HMCN1: variants seen among roughly 807,000 people sequenced by gnomAD.
The protein encoded by HMCN1 is hemicentin 1, also known as hemicentin-1.
Under a neutral mutation model 625.9 loss-of-function variants are expected in HMCN1, and 321 were observed. That is an observed-to-expected ratio of 0.51 (90% CI 0.47 to 0.56). The LOEUF is 0.56. Ranked by LOEUF, HMCN1 falls within the 20% of genes least tolerant of loss-of-function variation. The pLI, the probability that HMCN1 is intolerant of heterozygous loss-of-function variation, is 0.00. For synonymous variants in HMCN1, 2,425 were observed against 2,417.6 expected, an observed-to-expected ratio of 1.00 and a Z score of -0.09; for missense variants, 6,588 against 6,887.3, an observed-to-expected ratio of 0.96 and a Z score of 1.54.
At chr1:186,113,414 A>G (rs1660980704) in intron 72 of HMCN1, among the ~76,000 whole-genome samples, 1 of 152,254 alleles carries the variant, frequency 6.6e-6, no homozygotes, top group Admixed American at 6.5e-5. Flanking sequence ...AAAACAATCT[A>G]TTGGATATTT....
At chr1:185,859,616 G>A (rs1662736789) in intron 2 of HMCN1, among the ~76,000 whole-genome samples, 4 of 152,000 alleles carry the variant, frequency 2.6e-5, no homozygotes, top group Admixed American at 2.6e-4. Flanking sequence ...AGTGGCTACT[G>A]TGTTAGTGCA....
Position 186,087,551 on chromosome 1 carries a change from T to G in HMCN1, c.9269T>G (p.Val3090Gly). The change falls in exon 60 of 107, where the codon GTC (valine) becomes GGC (glycine). Residue 3090 changes from valine (V) to glycine (G), a missense_variant. By Grantham distance (109) the Val-to-Gly change is moderately radical (BLOSUM62 -3). Transcript: ENST00000271588. The part of the protein sequence containing the change: ...ECESNAVPPP[V>G]ITWYKNGRMI... Reference sequence around the variant, plus strand: ...GAGTCGAACGCTGTGCCACCTCCAGTCATCACTTGGTATAAGAATGGGCGG... The same window carrying G: ...GAGTCGAACGCTGTGCCACCTCCAGGCATCACTTGGTATAAGAATGGGCGG... 1.2e-6 allele frequency: 2 copies of G among 1,613,262 alleles called. No individual in the cohort carries two copies. The highest frequency in any genetic ancestry group is 1.7e-6 in the Non-Finnish European group (2 of 1,179,462).
Position 186,018,176 on chromosome 1 carries a change from T to A in HMCN1, c.5301-7T>A. The stretch of plus-strand genomic sequence containing the variant: ...TTATCCAGACTTCCTTTTGCCTTTT[T>A]CTATAGGTGGCTGAAGGATGGCCAG... On this transcript the variant is annotated splice_polypyrimidine_tract_variant and splice_region_variant and intron_variant, in intron 33 of 106. Transcript: ENST00000271588. 6.2e-7 allele frequency: 1 copy of A among 1,610,474 alleles called. No individual in the cohort carries two copies.
chr1:185,817,432 T>A (rs980129942), intron 1 of HMCN1, among the ~76,000 whole-genome samples: 2 of 151,954 alleles, frequency 1.3e-5, no homozygotes, highest in African/African-American at 4.8e-5. Context: ...GCAGAAAGAT[T>A]GGGCCCAGGG....
In HMCN1 at chr1:186,090,674, A is replaced by G. The variant is rs2102410189; in HGVS notation, c.9728-84A>G. ...TAATCTACAAAGAATATGAACTAGA[A>G]ATGTCATATTGTTTTATGACTCTGT... On this transcript the variant is annotated intron_variant, in intron 63 of 106. Coordinates refer to ENST00000271588, the MANE Select transcript of HMCN1 (RefSeq NM_031935.3). 3.4e-6 allele frequency: 5 copies of G among 1,456,508 alleles called. No homozygotes were observed. In the East Asian group the frequency reaches 1.2e-4, roughly 34 times the overall value. 90.2% of individuals were successfully genotyped at this position (1,456,508 alleles called of 1,614,324 possible). A position where few individuals can be genotyped will look rare whatever the true frequency, so the allele number is the denominator to read the frequency against.
chr1:185,777,859 T>C (rs1656731433), intron 1 of HMCN1, among the ~76,000 whole-genome samples: 1 of 152,240 alleles, frequency 6.6e-6, no homozygotes, highest in African/African-American at 2.4e-5. Context: ...GAGGCCTATT[T>C]GCCATGCTCT....
At chr1:186,111,286 C>T (rs116206256) in intron 71 of HMCN1, among the ~76,000 whole-genome samples, 2,342 of 152,084 alleles carry the variant, frequency 0.015, 65 homozygotes, top group African/African-American at 0.055. Context: ...CGGCCAAAAC[C>T]AGAGAAAATT....
intron 70 of HMCN1, among the ~76,000 whole-genome samples, chr1:186,108,161 G>A (rs1361884286): frequency 2.6e-5 from 4 of 151,170 alleles, no homozygotes; most frequent in South Asian, 2.1e-4. Context: ...TGTATAACCC[G>A]GACAACGGCT....
At chr1:185,837,897 C>T (rs929641546) in intron 1 of HMCN1, among the ~76,000 whole-genome samples, 2 of 152,118 alleles carry the variant, frequency 1.3e-5, no homozygotes, top group African/African-American at 4.8e-5. Flanking sequence ...ATTTACATAC[C>T]AGTCAAATGC....
At chr1:185,937,744 G>C (rs888845966) in intron 11 of HMCN1, among the ~76,000 whole-genome samples, 2 of 151,934 alleles carry the variant, frequency 1.3e-5, no homozygotes, top group South Asian at 2.1e-4. Flanking sequence ...AGCCAGGCTT[G>C]GTGGCACACA....
chr1:185,798,381 T>C (rs1658551896), intron 1 of HMCN1, among the ~76,000 whole-genome samples: 1 of 152,170 alleles, frequency 6.6e-6, no homozygotes, highest in Non-Finnish European at 1.5e-5. Flanking sequence ...TATATTTTCC[T>C]GAAGTTCTTT....
chr1:186,060,118 T>A (rs777265330), intron 46 of HMCN1, among the ~76,000 whole-genome samples: 73 of 152,178 alleles, frequency 4.8e-4, no homozygotes, highest in Middle Eastern at 3.4e-3. Context: ...ATTCAGGTAA[T>A]TAGCTTTGTT....
chr1:186,175,648 A>C (rs1558282763), intron 103 of HMCN1, among the ~76,000 whole-genome samples: 1 of 152,264 alleles, frequency 6.6e-6, no homozygotes, highest in East Asian at 1.9e-4. Context: ...TTATTCACCA[A>C]TTTGGCCACC....
chr1:186,061,922 G>C lies in HMCN1; in HGVS notation c.7384G>C (p.Ala2462Pro), dbSNP rs781164798. 61 of 1,612,820 alleles carry C rather than the reference G, an allele frequency of 3.8e-5. No homozygotes were observed. The highest frequency in any genetic ancestry group is 4.8e-5 in the Non-Finnish European group (57 of 1,179,104). The part of the protein sequence containing the change: ...AGQYTCVVRN[A>P]AGEERKIFGL... ...CCAATATACTTGCGTTGTAAGGAATGCAGCTGGTGAAGAAAGAAAAATCTT... is the reference window on the plus strand; with the variant it reads ...CCAATATACTTGCGTTGTAAGGAATCCAGCTGGTGAAGAAAGAAAAATCTT... The change falls in exon 47 of 107, where the codon GCA becomes CCA. Residue 2462 changes from alanine to proline, a missense_variant. Transcript: ENST00000271588.
At chr1:186,085,221 G>GTCT (rs1349032106) in intron 57 of HMCN1, among the ~76,000 whole-genome samples, 4 of 152,156 alleles carry the variant, frequency 2.6e-5, no homozygotes, top group African/African-American at 9.7e-5. Flanking sequence ...AGTGGCCACT[G>GTCT]TCTTGGTCTG....
chr1:185,979,725 T>G (rs1447986345), intron 16 of HMCN1, among the ~76,000 whole-genome samples: 1 of 152,232 alleles, frequency 6.6e-6, no homozygotes. Context: ...TACAATTAGA[T>G]GCATATGGTT....
intron 60 of HMCN1, 139 bp downstream of exon 60, chr1:186,087,784 T>A: frequency 8.6e-7 from 1 of 1,169,044 alleles, no homozygotes; most frequent in Admixed American, 1.8e-5. Context: ...CCATTGACTA[T>A]TTTTATAAAA....
rs138141257 is a variant in HMCN1, at chr1:185,975,821, G to T, written c.2372-1966G>T. 5.9e-5 allele frequency among the ~76,000 whole-genome samples: 9 copies of T among 151,876 alleles called. No homozygotes were observed. The East Asian group carries it at 1.7e-3, about 29-fold the overall frequency. ...TTAGGTTCAATAAATAAATAAGAGG[G>T]CTCTGAAATTGCCACGTGAAAGTTC... On this transcript the variant is annotated intron_variant, in intron 15 of 106. Transcript: ENST00000271588.
At position 185,794,467 on chromosome 1, in the gene HMCN1, T is replaced by C. The variant is rs139812723; in HGVS notation, c.269-51559T>C. 7.8e-3 allele frequency among the ~76,000 whole-genome samples: 1,173 copies of C among 150,740 alleles called. 11 individuals are homozygous for C. The highest frequency in any genetic ancestry group is 0.028 in the African/African-American group (1,133 of 40,898). ...AGTCTGAGTCCCAAAGCTGAAGAAC[T>C]TGGAGTCCAAAAAAGAAAAAAAAGA... On this transcript the variant is annotated intron_variant, in intron 1 of 106. Coordinates refer to ENST00000271588, the MANE Select transcript of HMCN1 (RefSeq NM_031935.3).
Sources: gnomAD v4.1 joint callset for allele counts (sites outside exome capture counted in the v4.1 genomes callset) on GRCh38, gnomAD v4.1.1 for gene constraint, MANE v1.5 for transcripts, NCBI Gene and HGNC (gene_info 2026-07-23, HGNC 2026-07-21) for gene names.